Variants in ANKS1B observed in about 807,000 individuals in gnomAD.
ANKS1B encodes the protein ankyrin repeat and sterile alpha motif domain containing 1B.
ANKS1B carries 36 observed loss-of-function variants against 148.3 expected under a neutral mutation model. The ratio of observed to expected loss-of-function variants is 0.24; its 90% CI spans 0.19 to 0.32. ANKS1B has a LOEUF of 0.32. Among genes scored for constraint, ANKS1B ranks in the 10% least tolerant of loss-of-function variants. The pLI is 1.00. For synonymous variants in ANKS1B, 542 were observed against 560.8 expected (o/e 0.97, Z 0.47); for missense variants, 1,157 against 1,542.6 (o/e 0.75, Z 4.19).
At chr12:99,360,977 G>A (rs1244191743) in intron 12 of ANKS1B, among the ~76,000 whole-genome samples, 1 of 152,084 alleles carries the variant, frequency 6.6e-6, no homozygotes, top group East Asian at 1.9e-4. Context: ...CTGGGGGACT[G>A]CGGGGAGGTG....
At chr12:99,082,331 G>T (rs576928689) in intron 16 of ANKS1B, among the ~76,000 whole-genome samples, 1 of 152,286 alleles carries the variant, frequency 6.6e-6, no homozygotes, top group East Asian at 1.9e-4. Context: ...TTTAGCTCAT[G>T]AAGGCCCCTG....
chr12:99,315,792 G>A (rs1269490979), intron 12 of ANKS1B, among the ~76,000 whole-genome samples: 1 of 151,934 alleles, frequency 6.6e-6, no homozygotes, highest in African/African-American at 2.4e-5. Flanking sequence ...TTTACATTAG[G>A]TATATCTCCT....
chr12:99,093,850 G>A (rs2054964438), intron 15 of ANKS1B, among the ~76,000 whole-genome samples: 1 of 152,176 alleles, frequency 6.6e-6, no homozygotes, highest in African/African-American at 2.4e-5. Context: ...GGAGCAAAGA[G>A]GAAGAGAAAG....
intron 9 of ANKS1B, among the ~76,000 whole-genome samples, chr12:99,594,851 A>T (rs887690955): frequency 6.6e-5 from 10 of 151,800 alleles, no homozygotes; most frequent in Non-Finnish European, 1.3e-4. Context: ...ATTTGTTAAG[A>T]AGGTAAATCT....
At chr12:99,963,963 T>C (rs776581647) in intron 1 of ANKS1B, among the ~76,000 whole-genome samples, 14 of 152,210 alleles carry the variant, frequency 9.2e-5, no homozygotes, top group South Asian at 2.1e-4. Context: ...AGTTCTTTTA[T>C]AACTCTTTTT....
intron 8 of ANKS1B, among the ~76,000 whole-genome samples, chr12:99,666,895 T>TGTGTGG (rs374573568): frequency 0.023 from 3,368 of 144,826 alleles, 66 homozygotes; most frequent in Non-Finnish European, 0.026. Flanking sequence ...TGTGTGTGTG[T>TGTGTGG]GGTGAGGACA....
At chr12:98,904,158 T>C (rs1371475832) in intron 17 of ANKS1B, among the ~76,000 whole-genome samples, 1 of 151,922 alleles carries the variant, frequency 6.6e-6, no homozygotes, top group Non-Finnish European at 1.5e-5. Context: ...AAGTGAGAAA[T>C]GATGAGAGGC....
At chr12:99,532,378 T>C (rs746701155) in intron 9 of ANKS1B, among the ~76,000 whole-genome samples, 9 of 152,218 alleles carry the variant, frequency 5.9e-5, no homozygotes, top group Non-Finnish European at 1.2e-4. Flanking sequence ...TTGTTTGTTT[T>C]TGAGACGGAG....
intron 1 of ANKS1B, among the ~76,000 whole-genome samples, chr12:99,836,573 G>A (rs2084892463): frequency 6.6e-6 from 1 of 151,952 alleles, no homozygotes; most frequent in South Asian, 2.1e-4. Context: ...ATACAATTAT[G>A]ACCTCTCTTC....
At chr12:99,459,784 A>G (rs2095918042) in intron 10 of ANKS1B, among the ~76,000 whole-genome samples, 1 of 151,994 alleles carries the variant, frequency 6.6e-6, no homozygotes, top group Non-Finnish European at 1.5e-5. Context: ...ACACATCCCA[A>G]TCTCATGAAT....
chr12:99,314,514 A>G (rs1355470897), intron 12 of ANKS1B, among the ~76,000 whole-genome samples: 1 of 152,220 alleles, frequency 6.6e-6, no homozygotes, highest in Non-Finnish European at 1.5e-5. Context: ...CTGACTTTGA[A>G]CTATACTACA....
At chr12:99,466,753 T>C (rs1567159736) in intron 10 of ANKS1B, among the ~76,000 whole-genome samples, 1 of 152,090 alleles carries the variant, frequency 6.6e-6, no homozygotes, top group Non-Finnish European at 1.5e-5. Flanking sequence ...AAGTTGAATC[T>C]ATGAATAGAC....
intron 17 of ANKS1B, among the ~76,000 whole-genome samples, chr12:98,991,710 A>AAATC (rs1057078277): frequency 3.3e-5 from 5 of 152,240 alleles, no homozygotes; most frequent in African/African-American, 1.2e-4. Context: ...TGAGGAAACC[A>AAATC]AATCACTGGG....
intron 17 of ANKS1B, among the ~76,000 whole-genome samples, chr12:98,853,902 C>T (rs886847083): frequency 6.6e-6 from 1 of 152,072 alleles, no homozygotes; most frequent in African/African-American, 2.4e-5. Flanking sequence ...GTGGGACAAC[C>T]GACAGGAAAG....
intron 17 of ANKS1B, among the ~76,000 whole-genome samples, chr12:98,989,796 G>A (rs1423505816): frequency 2.0e-5 from 3 of 152,016 alleles, no homozygotes; most frequent in Admixed American, 6.6e-5. Context: ...GGGAGGCTGA[G>A]GCAGGAGGAT....
At chr12:99,159,362 T>A (rs961393618) in intron 14 of ANKS1B, among the ~76,000 whole-genome samples, 1 of 152,138 alleles carries the variant, frequency 6.6e-6, no homozygotes, top group African/African-American at 2.4e-5. Flanking sequence ...TAGTTTTTCA[T>A]ACATTGTCCC....
intron 9 of ANKS1B, among the ~76,000 whole-genome samples, chr12:99,616,421 G>A (rs1598189912): frequency 6.6e-6 from 1 of 151,976 alleles, no homozygotes; most frequent in South Asian, 2.1e-4. Flanking sequence ...CAAAACAGCA[G>A]GGTACTCGTA....
chr12:99,194,244 T>C (rs952806987), intron 14 of ANKS1B, among the ~76,000 whole-genome samples: 3 of 152,108 alleles, frequency 2.0e-5, no homozygotes, highest in African/African-American at 7.2e-5. Flanking sequence ...CATAAACATA[T>C]GAATACATGT....
chr12:99,567,820 G>A (rs139616993), intron 9 of ANKS1B, among the ~76,000 whole-genome samples: 5 of 152,204 alleles, frequency 3.3e-5, no homozygotes, highest in African/African-American at 7.2e-5. Flanking sequence ...CACACTTTAC[G>A]TAACCAAGAA....
Sources: gnomAD v4.1 joint callset for allele counts (sites outside exome capture counted in the v4.1 genomes callset) on GRCh38, gnomAD v4.1.1 for gene constraint, MANE v1.5 for transcripts, NCBI Gene and HGNC (gene_info 2026-07-23, HGNC 2026-07-21) for gene names.